Variants in VIT observed in about 807,000 individuals in gnomAD.
VIT encodes the protein vitrin.
Under a neutral mutation model 78.0 loss-of-function variants are expected in VIT, and 99 were observed. The ratio of observed to expected loss-of-function variants is 1.27; its 90% CI spans 1.08 to 1.50. VIT has a LOEUF of 1.50. Ranked by LOEUF, VIT falls within the 40% of genes most tolerant of loss-of-function variation. The probability of loss-of-function intolerance (pLI) is 0.00; values close to 1 mark genes in which losing one functional copy is unlikely to be tolerated. For missense variants in VIT, 1,126 were observed against 875.3 expected, an observed-to-expected ratio of 1.29 and a Z score of -3.61; for synonymous variants, 374 against 334.3, an observed-to-expected ratio of 1.12 and a Z score of -1.29.
At chr2:36,770,363 G>A (rs1669673918) in intron 7 of VIT, among the ~76,000 whole-genome samples, 1 of 152,204 alleles carries the variant, frequency 6.6e-6, no homozygotes, top group Admixed American at 6.5e-5. Context: ...CAACACATGG[G>A]AACTTGGAGA....
chr2:36,765,377 C>A (rs955719438), intron 6 of VIT, among the ~76,000 whole-genome samples: 3 of 148,266 alleles, frequency 2.0e-5, no homozygotes, highest in Admixed American at 6.8e-5. Flanking sequence ...ACAATCATGG[C>A]AGAAGGGGAA....
intron 3 of VIT, among the ~76,000 whole-genome samples, chr2:36,738,597 G>A (rs1272314729): frequency 6.6e-6 from 1 of 152,054 alleles, no homozygotes; most frequent in Non-Finnish European, 1.5e-5. Flanking sequence ...GAACAAAACA[G>A]ACAAAAGTCC....
chr2:36,762,410 C>T (rs1055013117), intron 6 of VIT, among the ~76,000 whole-genome samples: 1 of 152,088 alleles, frequency 6.6e-6, no homozygotes, highest in Non-Finnish European at 1.5e-5. Context: ...TTTATTCATT[C>T]ATTCAATGTT....
At chr2:36,795,518 T>A (rs951307387) in intron 12 of VIT, among the ~76,000 whole-genome samples, 2 of 152,048 alleles carry the variant, frequency 1.3e-5, no homozygotes, top group African/African-American at 4.8e-5. Context: ...GTTCAAGCGA[T>A]TCTCCTGTCT....
chr2:36,759,388 A>T, intron 6 of VIT: 1 of 1,375,086 alleles, frequency 7.3e-7, no homozygotes. Flanking sequence ...CTAAAAGGAA[A>T]AAGCTGTATC....
intron 2 of VIT, among the ~76,000 whole-genome samples, 153 bp from the exon 3 acceptor site, chr2:36,729,273 A>G (rs771397456): frequency 6.6e-6 from 1 of 152,258 alleles, no homozygotes; most frequent in Non-Finnish European, 1.5e-5. Flanking sequence ...TTCAGAGAGT[A>G]GCCCCATCAT....
chr2:36,710,406 T>C (rs190034377), intron 1 of VIT, among the ~76,000 whole-genome samples: 20 of 152,228 alleles, frequency 1.3e-4, no homozygotes, highest in African/African-American at 4.8e-4. Context: ...GAAGAATATA[T>C]ATATTTAAAG....
At chr2:36,705,749 A>G (rs896433256) in intron 1 of VIT, among the ~76,000 whole-genome samples, 1 of 152,342 alleles carries the variant, frequency 6.6e-6, no homozygotes, top group Non-Finnish European at 1.5e-5. Flanking sequence ...AAGTTCCTAG[A>G]TTGGAATGTC....
At chr2:36,781,684 G>A (rs566200696) in intron 9 of VIT, 43 bp from the exon 10 acceptor site, 14 of 1,606,502 alleles carry the variant, frequency 8.7e-6, no homozygotes, top group Non-Finnish European at 1.1e-5. Context: ...CTGCTGGTTT[G>A]GTTTAAGTAA....
chr2:36,782,279 T>C, intron 10 of VIT, among the ~76,000 whole-genome samples: 1 of 152,188 alleles, frequency 6.6e-6, no homozygotes, highest in East Asian at 1.9e-4. Context: ...TCTGGACTTG[T>C]ACTTCTCCCC....
intron 2 of VIT, among the ~76,000 whole-genome samples, chr2:36,725,576 T>C (rs1213187164): frequency 1.2e-4 from 13 of 106,162 alleles, no homozygotes; most frequent in African/African-American, 4.9e-4. Flanking sequence ...GGTTAGGATG[T>C]CAATGTAGGA....
At chr2:36,793,973 G>A (rs1300206265) in intron 12 of VIT, among the ~76,000 whole-genome samples, 2 of 152,186 alleles carry the variant, frequency 1.3e-5, no homozygotes, top group Non-Finnish European at 2.9e-5. Flanking sequence ...CTTTCAAGGA[G>A]AGGAATGGTA....
chr2:36,710,612 C>G (rs550101170), intron 1 of VIT, among the ~76,000 whole-genome samples: 22 of 81,244 alleles, frequency 2.7e-4, no homozygotes, highest in African/African-American at 1.4e-3. Flanking sequence ...CTATAGAGTA[C>G]AGTTTCTGAT....
At chr2:36,706,565 A>G (rs879666617) in intron 1 of VIT, among the ~76,000 whole-genome samples, 3 of 152,148 alleles carry the variant, frequency 2.0e-5, no homozygotes, top group Non-Finnish European at 4.4e-5. Context: ...TATACATCTT[A>G]TTCAGGGCCC....
chr2:36,812,488 G>T (rs559673679), intron 15 of VIT, among the ~76,000 whole-genome samples: 1 of 151,740 alleles, frequency 6.6e-6, no homozygotes, highest in South Asian at 2.1e-4. Context: ...CCACCACCCC[G>T]GGCAGTCTCC....
At chr2:36,759,870 G>T (rs544335861) in intron 6 of VIT, among the ~76,000 whole-genome samples, 316 of 152,264 alleles carry the variant, frequency 2.1e-3, no homozygotes, top group Middle Eastern at 0.014. Context: ...TTTAATCACC[G>T]TAGACCACCA....
chr2:36,701,339 A>G (rs1038378940), intron 1 of VIT, among the ~76,000 whole-genome samples: 1 of 152,188 alleles, frequency 6.6e-6, no homozygotes, highest in African/African-American at 2.4e-5. Flanking sequence ...CTGTGTAGCC[A>G]GTCTCCAAAA....
intron 2 of VIT, among the ~76,000 whole-genome samples, chr2:36,728,812 C>CAAAAAA (rs768222712): frequency 0.12 from 405 of 3,398 alleles, 130 homozygotes; most frequent in East Asian, 0.66. Context: ...GACTCCGTCT[C>CAAAAAA]AAAAAAAAAA....
At chr2:36,787,598 G>A (rs1239121310) in intron 12 of VIT, among the ~76,000 whole-genome samples, 2 of 152,210 alleles carry the variant, frequency 1.3e-5, no homozygotes, top group African/African-American at 2.4e-5. Flanking sequence ...GTGGCCTTGG[G>A]CTAGGCCTTC....
Sources: allele counts gnomAD v4.1 joint callset (sites outside exome capture counted in the v4.1 genomes callset), GRCh38; gene constraint gnomAD v4.1.1; transcripts MANE v1.5; gene names NCBI Gene and HGNC (gene_info 2026-07-23, HGNC 2026-07-21).